The following EYA2 variants were observed in gnomAD, a reference collection of about 807,000 sequenced individuals.
EYA2 encodes protein phosphatase EYA2.
A neutral mutation model predicts 69.2 loss-of-function variants in EYA2; 31 were observed. That is an observed-to-expected ratio of 0.45 (90% CI 0.34 to 0.60). EYA2 has a LOEUF of 0.60. EYA2 is among the 20% of genes least tolerant of loss of function. The pLI is 0.02. For missense variants in EYA2, 622 were observed against 701.2 expected (o/e 0.89, Z 1.28); for synonymous variants, 257 against 279.4 (o/e 0.92, Z 0.80).
chr20:46,898,413 AC>A (rs1983921909), intron 1 of EYA2, among the ~76,000 whole-genome samples: 1 of 151,790 alleles, frequency 6.6e-6, no homozygotes, highest in African/African-American at 2.4e-5. Context: ...ACACACACAC[AC>A]ACACACACAC....
chr20:46,972,322 G>T (rs1211616695), intron 1 of EYA2, among the ~76,000 whole-genome samples: 4 of 151,228 alleles, frequency 2.6e-5, no homozygotes, highest in Middle Eastern at 3.4e-3. Flanking sequence ...TAGGTCATTT[G>T]GGTATTAATT....
chr20:46,973,980 AGTGGCAGATG>A (rs1433134406), intron 1 of EYA2, among the ~76,000 whole-genome samples: 6 of 152,202 alleles, frequency 3.9e-5, no homozygotes, highest in Admixed American at 2.0e-4. Context: ...TGCTGCTGTC[AGTGGCAGATG>A]GCAGAAGAGT....
rs554001187 is a variant in EYA2 at position 46,954,042 on chromosome 20, T to G, written c.-10-35959T>G. On this transcript the variant is annotated intron_variant, in intron 1 of 15. Transcript: ENST00000327619. ...ACCACACGATTCTTCTTTCTGACATTCAGACACATCCAGCTCATTTCCATC... is the reference window on the plus strand; with the variant it reads ...ACCACACGATTCTTCTTTCTGACATGCAGACACATCCAGCTCATTTCCATC... 2.0e-5 allele frequency among the ~76,000 whole-genome samples: 3 copies of G among 152,336 alleles called. No homozygotes were observed. The East Asian group carries it at 5.8e-4, about 29-fold the overall frequency.
Position 47,083,564 on chromosome 20 carries a change from C to G in EYA2, c.662-5675C>G, listed in dbSNP as rs1600696477. Reference sequence around the variant, plus strand: ...CCACACTGCAGCCTGGGTGACAGAGCAAGAGTCCATCTCAAAAAAAAAAAA... The same window carrying G: ...CCACACTGCAGCCTGGGTGACAGAGGAAGAGTCCATCTCAAAAAAAAAAAA... On this transcript the variant is annotated intron_variant, in intron 7 of 15. Transcript: ENST00000327619. 4.7e-5 allele frequency among the ~76,000 whole-genome samples: 5 copies of G among 107,452 alleles called. No individual in the cohort carries two copies. In the Admixed American group the frequency reaches 6.4e-4, roughly 14 times the overall value. 70.5% of individuals were successfully genotyped at this position (107,452 alleles called of 152,430 possible). A position where few individuals can be genotyped will look rare whatever the true frequency, so the allele number is the denominator to read the frequency against.
At chr20:47,051,220 G>GGA (rs1384812628) in intron 5 of EYA2, among the ~76,000 whole-genome samples, 2 of 152,254 alleles carry the variant, frequency 1.3e-5, no homozygotes, top group Non-Finnish European at 2.9e-5. Context: ...CCATTGCAGT[G>GGA]TATGCACGGT....
At chr20:47,129,364 A>G (rs555431710) in intron 9 of EYA2, among the ~76,000 whole-genome samples, 1 of 152,326 alleles carries the variant, frequency 6.6e-6, no homozygotes, top group South Asian at 2.1e-4. Flanking sequence ...GAATGGTCAG[A>G]GAAGACCTTT....
At chr20:46,960,026 G>C (rs1411553170) in intron 1 of EYA2, among the ~76,000 whole-genome samples, 2 of 152,360 alleles carry the variant, frequency 1.3e-5, no homozygotes, top group African/African-American at 4.8e-5. Context: ...GATTTTTTAA[G>C]TGCCCCTCTG....
intron 1 of EYA2, among the ~76,000 whole-genome samples, chr20:46,960,748 C>T (rs867032474): frequency 8.5e-5 from 13 of 152,206 alleles, no homozygotes; most frequent in African/African-American, 2.9e-4. Context: ...GCAGAGACAG[C>T]GTGACCCACA....
At position 46,947,615 on chromosome 20, in the gene EYA2, G is replaced by A. The variant is rs193139869; in HGVS notation, c.-10-42386G>A. Among the ~76,000 whole-genome samples, 6 of 152,248 alleles carry A rather than the reference G, an allele frequency of 3.9e-5. No individual in the cohort carries two copies. In the East Asian group the frequency reaches 5.8e-4, roughly 15 times the overall value. The stretch of plus-strand genomic sequence containing the variant: ...CATTTATTTATTGCTCCTGCTCCAC[G>A]TTTGCCCTGGATCACTGGGGATCCT... On this transcript the variant is annotated intron_variant, in intron 1 of 15. Coordinates refer to ENST00000327619, the MANE Select transcript of EYA2 (RefSeq NM_005244.5).
intron 1 of EYA2, among the ~76,000 whole-genome samples, chr20:46,945,802 G>A (rs1210503968): frequency 6.6e-6 from 1 of 152,224 alleles, no homozygotes; most frequent in East Asian, 1.9e-4. Context: ...TTTTGTGCTT[G>A]GGTAAGCTTT....
At chr20:47,054,629 T>C (rs1316152072) in intron 5 of EYA2, among the ~76,000 whole-genome samples, 2 of 152,098 alleles carry the variant, frequency 1.3e-5, no homozygotes, top group Admixed American at 1.3e-4. Context: ...CACCCAACAC[T>C]TGACACCTGG....
At chr20:46,974,986 TC>T (rs1267498807) in intron 1 of EYA2, among the ~76,000 whole-genome samples, 1 of 152,112 alleles carries the variant, frequency 6.6e-6, no homozygotes, top group Non-Finnish European at 1.5e-5. Flanking sequence ...AAAAAGCTGA[TC>T]TCAAGAGGTT....
At chr20:47,072,070 C>A in intron 5 of EYA2, 115 bp from the exon 6 acceptor site, 1 of 930,764 alleles carries the variant, frequency 1.1e-6, no homozygotes, top group Non-Finnish European at 1.7e-6. Flanking sequence ...AGAGCTTCTG[C>A]CCAGCTGTCA....
At chr20:46,904,253 C>T (rs1984251189) in intron 1 of EYA2, among the ~76,000 whole-genome samples, 1 of 152,070 alleles carries the variant, frequency 6.6e-6, no homozygotes, top group African/African-American at 2.4e-5. Context: ...GTGTTTGGCA[C>T]ATAGTAAGCA....
At chr20:46,966,572 G>A (rs1256503125) in intron 1 of EYA2, among the ~76,000 whole-genome samples, 2 of 152,186 alleles carry the variant, frequency 1.3e-5, no homozygotes, top group East Asian at 3.9e-4. Flanking sequence ...ACTTTGGGAG[G>A]CCGAGGTGGG....
At chr20:47,046,083 G>T (rs1343667648) in intron 5 of EYA2, among the ~76,000 whole-genome samples, 4 of 152,194 alleles carry the variant, frequency 2.6e-5, no homozygotes, top group African/African-American at 9.6e-5. Context: ...TCCAAGATCA[G>T]GGTGCCAGCA....
intron 15 of EYA2, among the ~76,000 whole-genome samples, chr20:47,185,477 A>T (rs2034622085): frequency 6.6e-6 from 1 of 151,294 alleles, no homozygotes; most frequent in African/African-American, 2.4e-5. Context: ...ATTTTTTGTA[A>T]TTTTAATAGA....
intron 10 of EYA2, among the ~76,000 whole-genome samples, chr20:47,168,251 G>A (rs772039611): frequency 3.3e-5 from 5 of 151,994 alleles, no homozygotes; most frequent in Non-Finnish European, 7.4e-5. Context: ...GAGCACAGTG[G>A]CGCGATCTCG....
At chr20:47,097,419 G>A (rs1416109266) in intron 9 of EYA2, among the ~76,000 whole-genome samples, 1 of 152,208 alleles carries the variant, frequency 6.6e-6, no homozygotes, top group Non-Finnish European at 1.5e-5. Flanking sequence ...TTACTTGATA[G>A]GAAATACACT....
Sources: gnomAD v4.1 joint callset for allele counts (sites outside exome capture counted in the v4.1 genomes callset) on GRCh38, gnomAD v4.1.1 for gene constraint, MANE v1.5 for transcripts, NCBI Gene and HGNC (gene_info 2026-07-23, HGNC 2026-07-21) for gene names.